The following BMP6 variants were observed in gnomAD, a reference collection of about 807,000 sequenced individuals.
The protein encoded by BMP6 is VG-1-R.
Under a neutral mutation model 54.1 loss-of-function variants are expected in BMP6, and 17 were observed. The ratio of observed to expected loss-of-function variants is 0.31; its 90% CI spans 0.22 to 0.47. The LOEUF (loss-of-function observed/expected upper bound fraction) is 0.47. BMP6 is among the 20% of genes least tolerant of loss of function. The pLI is 1.00. For missense variants in BMP6, 720 were observed against 690.4 expected (o/e 1.04, Z -0.48); for synonymous variants, 328 against 291.2 (o/e 1.13, Z -1.28).
rs751622797 is a variant in BMP6, at chr6:7,862,467, C to T, written c.1173C>T (p.Ser391=). 3.8e-5 allele frequency: 61 copies of T among 1,614,032 alleles called. No homozygotes were observed. The highest frequency in any genetic ancestry group is 6.8e-6 in the Non-Finnish European group (8 of 1,180,032). ...RQQSRNRSTQ[S]QDVARVSSAS... ...AGAGTCGTAATCGCTCTACCCAGTC[C>T]CAGGACGTGGCGCGGGTCTCCAGTG... The change falls in exon 4 of 7, where the codon TCC becomes TCT. Residue 391 remains serine, a synonymous_variant. Transcript: ENST00000283147.
intron 1 of BMP6, among the ~76,000 whole-genome samples, chr6:7,819,743 C>T (rs920102721): frequency 3.9e-5 from 6 of 152,156 alleles, no homozygotes; most frequent in African/African-American, 1.4e-4. Flanking sequence ...GTCTTTAAAT[C>T]CCAGATGTTG....
chr6:7,825,341 C>T (rs1480884425), intron 1 of BMP6, among the ~76,000 whole-genome samples: 2 of 152,196 alleles, frequency 1.3e-5, no homozygotes, highest in Non-Finnish European at 2.9e-5. Context: ...CTTTAATTCA[C>T]ACTGACCTTC....
chr6:7,868,509 A>G (rs1347503647), intron 4 of BMP6, among the ~76,000 whole-genome samples: 1 of 152,250 alleles, frequency 6.6e-6, no homozygotes, highest in East Asian at 1.9e-4. Flanking sequence ...GATAAGGCCC[A>G]GAGATATGGA....
intron 1 of BMP6, among the ~76,000 whole-genome samples, chr6:7,809,514 A>G (rs1758405030): frequency 6.6e-6 from 1 of 152,146 alleles, no homozygotes. Context: ...GTGTGTGGCT[A>G]TGTAGAGGCG....
chr6:7,821,488 C>T (rs1302800411), intron 1 of BMP6, among the ~76,000 whole-genome samples: 3 of 151,994 alleles, frequency 2.0e-5, no homozygotes, highest in Non-Finnish European at 4.4e-5. Context: ...AGGGCAGCAT[C>T]GTGAAACCCC....
chr6:7,784,758 G>A (rs1306973143), intron 1 of BMP6, among the ~76,000 whole-genome samples: 1 of 152,176 alleles, frequency 6.6e-6, no homozygotes, highest in East Asian at 1.9e-4. Flanking sequence ...TGTTTTCTCA[G>A]TAGGATGCTA....
In BMP6 at chr6:7,842,241, C is replaced by T. The variant is rs557506319; in HGVS notation, c.665-2899C>T. 1.3e-3 allele frequency among the ~76,000 whole-genome samples: 202 copies of T among 152,306 alleles called. 1 individual carries two copies. Among genetic ancestry groups the T allele is most frequent in the African/African-American group, 4.7e-3 (195 of 41,560 alleles). On this transcript the variant is annotated intron_variant, in intron 1 of 6. Coordinates refer to ENST00000283147, the MANE Select transcript of BMP6 (RefSeq NM_001718.6). ...GTTCAACTAGGTGGTTCTTTCAAGG[C>T]CTCTTGTGCAGCTGCAACCAGGTGG...
intron 1 of BMP6, among the ~76,000 whole-genome samples, chr6:7,735,382 C>T (rs1761938996): frequency 6.6e-6 from 1 of 152,164 alleles, no homozygotes; most frequent in South Asian, 2.1e-4. Flanking sequence ...ATTAGCCTTG[C>T]TTATTCTCTG....
chr6:7,769,068 A>C (rs1757742744), intron 1 of BMP6, among the ~76,000 whole-genome samples: 1 of 152,236 alleles, frequency 6.6e-6, no homozygotes, highest in Non-Finnish European at 1.5e-5. Flanking sequence ...AAAACTAAGC[A>C]CATTCACTGA....
intron 1 of BMP6, among the ~76,000 whole-genome samples, chr6:7,813,833 C>G (rs1252748356): frequency 6.6e-6 from 1 of 152,126 alleles, no homozygotes; most frequent in Non-Finnish European, 1.5e-5. Flanking sequence ...GACCCCCTCA[C>G]CCCTACTGCC....
At chr6:7,769,951 T>G (rs1057326187) in intron 1 of BMP6, among the ~76,000 whole-genome samples, 1 of 152,216 alleles carries the variant, frequency 6.6e-6, no homozygotes, top group Non-Finnish European at 1.5e-5. Context: ...TCAAAAACCC[T>G]TAGTCATCAT....
chr6:7,838,512 C>T (rs1178429828), intron 1 of BMP6, among the ~76,000 whole-genome samples: 1 of 152,194 alleles, frequency 6.6e-6, no homozygotes, highest in East Asian at 1.9e-4. Context: ...AGGTCCAATG[C>T]TTTGCAATGT....
chr6:7,733,354 A>G (rs1246801234), intron 1 of BMP6, among the ~76,000 whole-genome samples: 5 of 152,378 alleles, frequency 3.3e-5, no homozygotes, highest in Admixed American at 1.3e-4. Context: ...AAAAGTAGAC[A>G]ATATTTTAAT....
At chr6:7,734,379 C>T (rs1761921481) in intron 1 of BMP6, among the ~76,000 whole-genome samples, 1 of 152,184 alleles carries the variant, frequency 6.6e-6, no homozygotes, top group Admixed American at 6.5e-5. Context: ...GCTGTTACCT[C>T]TTAAGATTGA....
intron 1 of BMP6, among the ~76,000 whole-genome samples, chr6:7,736,888 C>G (rs899044588): frequency 1.3e-5 from 2 of 152,084 alleles, no homozygotes; most frequent in African/African-American, 2.4e-5. Flanking sequence ...GAGGAAACCT[C>G]TTAAAAATGG....
chr6:7,854,068 C>T (rs772913214), intron 2 of BMP6, among the ~76,000 whole-genome samples: 15 of 152,088 alleles, frequency 9.9e-5, no homozygotes, highest in Admixed American at 5.9e-4. Context: ...TTTATGCTGG[C>T]GGGAAGAGCC....
intron 1 of BMP6, among the ~76,000 whole-genome samples, chr6:7,818,259 A>G (rs773767509): frequency 6.6e-6 from 1 of 152,174 alleles, no homozygotes; most frequent in Non-Finnish European, 1.5e-5. Flanking sequence ...TGTCAAGATG[A>G]GCGTGGCAAC....
intron 1 of BMP6, among the ~76,000 whole-genome samples, chr6:7,753,267 C>A (rs1448535404): frequency 2.0e-5 from 3 of 152,222 alleles, no homozygotes; most frequent in African/African-American, 7.2e-5. Context: ...TCAGCACTTT[C>A]TCCAGAGACG....
chr6:7,865,864 C>T (rs1355923522), intron 4 of BMP6, among the ~76,000 whole-genome samples: 2 of 152,180 alleles, frequency 1.3e-5, no homozygotes, highest in Non-Finnish European at 2.9e-5. Context: ...CACCAGGGAT[C>T]GTCCTACATC....
Sources: allele counts gnomAD v4.1 joint callset (sites outside exome capture counted in the v4.1 genomes callset), GRCh38; gene constraint gnomAD v4.1.1; transcripts MANE v1.5; gene names NCBI Gene and HGNC (gene_info 2026-07-23, HGNC 2026-07-21).